ACBD6: variants seen among roughly 807,000 people sequenced by gnomAD.
The protein encoded by ACBD6 is acyl-CoA binding domain containing 6.
ACBD6 carries 28 observed loss-of-function variants against 37.2 expected under a neutral mutation model. That is an observed-to-expected ratio of 0.75 (90% CI 0.56 to 1.03). ACBD6 has a LOEUF of 1.03. ACBD6 is among the 50% of genes least tolerant of loss of function. The pLI, the probability that ACBD6 is intolerant of heterozygous loss-of-function variation, is 0.00. For missense variants in ACBD6, 340 were observed against 337.4 expected (o/e 1.01, Z -0.06); for synonymous variants, 113 against 126.8 (o/e 0.89, Z 0.73).
chr1:180,379,012 C>T (rs528167279), intron 6 of ACBD6, among the ~76,000 whole-genome samples: 2 of 152,264 alleles, frequency 1.3e-5, no homozygotes, highest in South Asian at 4.1e-4. Flanking sequence ...TACAAGTCAG[C>T]CTGCCTGGAC....
At chr1:180,427,371 T>C (rs1345433020) in intron 4 of ACBD6, among the ~76,000 whole-genome samples, 6 of 152,352 alleles carry the variant, frequency 3.9e-5, no homozygotes, top group South Asian at 2.1e-4. Context: ...TTGATGCTTC[T>C]AAAACTCTAA....
At chr1:180,449,967 T>C (rs1449134577) in intron 3 of ACBD6, among the ~76,000 whole-genome samples, 1 of 143,216 alleles carries the variant, frequency 7.0e-6, no homozygotes, top group Non-Finnish European at 1.5e-5. Flanking sequence ...ACAGGGTCAA[T>C]GAAAGACAGT....
At chr1:180,296,385 A>C (rs1254064894) in intron 7 of ACBD6, among the ~76,000 whole-genome samples, 2 of 151,872 alleles carry the variant, frequency 1.3e-5, no homozygotes, top group Non-Finnish European at 2.9e-5. Flanking sequence ...GATCTAACTA[A>C]GATAAAGATA....
intron 6 of ACBD6, among the ~76,000 whole-genome samples, chr1:180,322,975 T>A (rs535331707): frequency 7.6e-4 from 116 of 152,004 alleles, no homozygotes; most frequent in African/African-American, 2.3e-3. Flanking sequence ...TTGGAAGTTT[T>A]TCTTCTTTTT....
At chr1:180,345,426 G>A (rs1208398093) in intron 6 of ACBD6, among the ~76,000 whole-genome samples, 1 of 152,002 alleles carries the variant, frequency 6.6e-6, no homozygotes, top group South Asian at 2.1e-4. Flanking sequence ...GCATACATTA[G>A]TATAAATCAT....
At chr1:180,325,102 T>C (rs1413871244) in intron 6 of ACBD6, among the ~76,000 whole-genome samples, 2 of 152,148 alleles carry the variant, frequency 1.3e-5, no homozygotes, top group African/African-American at 2.4e-5. Context: ...AAAACTGTTC[T>C]ATAACCTTCT....
intron 6 of ACBD6, among the ~76,000 whole-genome samples, chr1:180,329,274 G>A (rs1345180936): frequency 6.6e-6 from 1 of 152,138 alleles, no homozygotes; most frequent in Non-Finnish European, 1.5e-5. Flanking sequence ...AAGGCTATTT[G>A]GTCTTTCACC....
rs117129182 is a variant in ACBD6, at chr1:180,358,461, C to A, written c.663+39055G>T. Among the ~76,000 whole-genome samples, 403 of 149,998 alleles carry A rather than the reference C, an allele frequency of 2.7e-3. 3 individuals are homozygous for A. Among genetic ancestry groups the A allele is most frequent in the Admixed American group, 0.018 (268 of 15,072 alleles). The stretch of plus-strand genomic sequence containing the variant: ...AACAACAACAACAAAAAAAAAAAAC[C>A]TCACAGCATTTTAGCATGTATTCTA... On this transcript the variant is annotated intron_variant, in intron 6 of 7. Transcript: ENST00000367595.
At chr1:180,410,177 A>G (rs35600552) in intron 5 of ACBD6, among the ~76,000 whole-genome samples, 3,176 of 152,350 alleles carry the variant, frequency 0.021, 42 homozygotes, top group Middle Eastern at 0.044. Context: ...AAAAGTCTGA[A>G]GCTAGCAAAG....
intron 6 of ACBD6, among the ~76,000 whole-genome samples, chr1:180,380,357 C>G (rs1274435340): frequency 1.3e-5 from 2 of 152,018 alleles, no homozygotes; most frequent in Non-Finnish European, 2.9e-5. Context: ...TACAGGAACC[C>G]CCATCAGAAT....
intron 7 of ACBD6, among the ~76,000 whole-genome samples, chr1:180,297,795 C>T (rs1191581108): frequency 6.6e-6 from 1 of 152,200 alleles, no homozygotes; most frequent in Non-Finnish European, 1.5e-5. Flanking sequence ...GGCTGGAGTG[C>T]AATGGCACGA....
chr1:180,307,058 T>C (rs77547850), intron 7 of ACBD6, among the ~76,000 whole-genome samples: 6 of 152,230 alleles, frequency 3.9e-5, no homozygotes, highest in African/African-American at 1.4e-4. Context: ...TGCACTGCCA[T>C]GTTTGTTGCA....
intron 3 of ACBD6, among the ~76,000 whole-genome samples, chr1:180,449,556 C>T (rs1169871323): frequency 3.3e-5 from 5 of 151,756 alleles, no homozygotes; most frequent in Non-Finnish European, 7.4e-5. Flanking sequence ...TACAGGTGCC[C>T]GCCACCACAC....
rs1213931668 is a variant in ACBD6 at position 180,352,486 on chromosome 1, G to A, written c.664-37764C>T. Among the ~76,000 whole-genome samples the A allele has an allele frequency of 2.6e-5, 4 of 152,122 alleles. No homozygotes were observed. In the East Asian group the frequency reaches 5.8e-4, roughly 22 times the overall value. ...TTACAGGTGTGAGCCTCCGCACCCA[G>A]CCATATTTTTTATAGGTTTTGTTAG... On this transcript the variant is annotated intron_variant, in intron 6 of 7. Transcript: ENST00000367595.
intron 6 of ACBD6, chr1:180,326,505 G>C (rs1197048053): frequency 6.6e-6 from 1 of 152,480 alleles, no homozygotes; most frequent in Admixed American, 6.5e-5. Flanking sequence ...CCTAGGCATG[G>C]AATCAGGCAC....
chr1:180,500,937 T>G (rs573480633), intron 1 of ACBD6, among the ~76,000 whole-genome samples: 69 of 152,254 alleles, frequency 4.5e-4, no homozygotes, highest in Middle Eastern at 3.4e-3. Context: ...TATACCCAAG[T>G]GTCTTGCACA....
At chr1:180,434,625 C>A (rs1179918554) in intron 3 of ACBD6, among the ~76,000 whole-genome samples, 1 of 152,226 alleles carries the variant, frequency 6.6e-6, no homozygotes, top group Non-Finnish European at 1.5e-5. Context: ...AATAACTTAA[C>A]TCTCAACCAA....
At chr1:180,317,063 G>GCCAAGACAA (rs1263987557) in intron 6 of ACBD6, among the ~76,000 whole-genome samples, 2 of 152,180 alleles carry the variant, frequency 1.3e-5, no homozygotes, top group African/African-American at 2.4e-5. Context: ...AAGTATGCAA[G>GCCAAGACAA]TTACTCAAGC....
intron 6 of ACBD6, among the ~76,000 whole-genome samples, chr1:180,330,190 C>T (rs1418313689): frequency 6.6e-6 from 1 of 151,614 alleles, no homozygotes; most frequent in African/African-American, 2.4e-5. Flanking sequence ...GGTGGGAGAA[C>T]TGCTTGAGCC....
Sources: allele counts gnomAD v4.1 joint callset (sites outside exome capture counted in the v4.1 genomes callset), GRCh38; gene constraint gnomAD v4.1.1; transcripts MANE v1.5; gene names NCBI Gene and HGNC (gene_info 2026-07-23, HGNC 2026-07-21).